ZNF710: variants seen among roughly 807,000 people sequenced by gnomAD.
ZNF710 encodes the protein zinc finger protein 710.
In ZNF710, 13 loss-of-function variants were observed where a neutral mutation model predicts 50.6. That is an observed-to-expected ratio of 0.26 (90% CI 0.17 to 0.41). The LOEUF is 0.41. Among genes scored for constraint, ZNF710 ranks in the 10% least tolerant of loss-of-function variants. The pLI is 1.00. For synonymous variants in ZNF710, 383 were observed against 397.0 expected, an observed-to-expected ratio of 0.96 and a Z score of 0.42; for missense variants, 721 against 936.6, an observed-to-expected ratio of 0.77 and a Z score of 3.01.
chr15:90,045,385 G>A lies in ZNF710; in HGVS notation c.-28-21725G>A, dbSNP rs78773592. ...AGCCATGGAGAGGTTAGACAGTGAC[G>A]GCTGACAGGTTTGCCGTCTGGGAAC... On this transcript the variant is annotated intron_variant, in intron 1 of 4. Coordinates refer to ENST00000268154, the MANE Select transcript of ZNF710 (RefSeq NM_198526.4). 4,598 of 984,456 alleles carry A rather than the reference G, an allele frequency of 4.7e-3. 172 individuals are homozygous for A. In the African/African-American group the frequency reaches 0.073, roughly 16 times the overall value. 61.0% of individuals were successfully genotyped at this position (984,456 alleles called of 1,614,324 possible).
intron 2 of ZNF710, among the ~76,000 whole-genome samples, chr15:90,072,523 G>A (rs554002607): frequency 7.9e-5 from 12 of 152,146 alleles, no homozygotes; most frequent in Non-Finnish European, 1.6e-4. Context: ...TTGGGGGGGT[G>A]TCCATAGCTT....
upstream of ZNF710, among the ~76,000 whole-genome samples, chr15:89,998,475 T>G (rs1324584510): frequency 2.0e-5 from 3 of 152,212 alleles, no homozygotes; most frequent in African/African-American, 7.2e-5. Context: ...GGATGTGGTG[T>G]TCACCAATCC....
At position 90,081,946 on chromosome 15, in the gene ZNF710, G is replaced by A. The variant is rs1900732426; in HGVS notation, c.*2117G>A. 1 of 152,368 alleles carries A rather than the reference G, an allele frequency of 6.6e-6. No individual in the cohort carries two copies. Among genetic ancestry groups the A allele is most frequent in the South Asian group, 2.1e-4 (1 of 4,828 alleles). The allele number at this position is 152,368 out of a possible 1,614,324, so 9.4% of individuals were successfully genotyped here. A position where few individuals can be genotyped will look rare whatever the true frequency, so the allele number is the denominator to read the frequency against. On this transcript the variant is annotated 3_prime_UTR_variant, in exon 5 of 5. Transcript: ENST00000268154. ...GGAGGAGGAAACAGCACAACTCACA[G>A]TTTGAGCTGGGGGGTGGTCTTGGCA...
intron 1 of ZNF710, among the ~76,000 whole-genome samples, chr15:90,030,077 C>T (rs1299035281): frequency 6.6e-6 from 1 of 151,644 alleles, no homozygotes; most frequent in Admixed American, 6.6e-5. Flanking sequence ...CACCTGTAAT[C>T]CCAACACTTT....
In ZNF710 at chr15:90,073,124, G is replaced by C. The variant is rs775955373; in HGVS notation, c.1512G>C (p.Ala504=). 13 of 1,614,086 alleles carry C rather than the reference G, an allele frequency of 8.1e-6. No individual in the cohort carries two copies. The South Asian group carries it at 1.2e-4, about 15-fold the overall frequency. ...GTGGCCGGGAGTTCACCCTACAGGC[G>C]AACATGAAGCGGCACATGCTGATCC... ...EVCGREFTLQ[A]NMKRHMLIHT... is the part of the protein sequence containing the mutation. The change falls in exon 3 of 5, where the codon GCG becomes GCC. Residue 504 remains alanine (A), a synonymous_variant. Transcript: ENST00000268154.
At chr15:90,035,743 C>T (rs1294771483) in intron 1 of ZNF710, among the ~76,000 whole-genome samples, 1 of 152,224 alleles carries the variant, frequency 6.6e-6, no homozygotes, top group Non-Finnish European at 1.5e-5. Flanking sequence ...CCTTCCTGCA[C>T]CCGCCTTCTA....
chr15:90,036,002 G>A (rs530613014), intron 1 of ZNF710, among the ~76,000 whole-genome samples: 29 of 152,284 alleles, frequency 1.9e-4, no homozygotes, highest in African/African-American at 6.7e-4. Flanking sequence ...AAGGGTGGCA[G>A]GATTGGGTCC....
intron 2 of ZNF710, among the ~76,000 whole-genome samples, chr15:90,072,171 C>T (rs1393665598): frequency 1.3e-5 from 2 of 152,184 alleles, no homozygotes; most frequent in Non-Finnish European, 2.9e-5. Context: ...ACACAACACC[C>T]TGTCCTGCTC....
At chr15:90,060,934 T>G (rs931740056) in intron 1 of ZNF710, among the ~76,000 whole-genome samples, 1 of 152,140 alleles carries the variant, frequency 6.6e-6, no homozygotes, top group African/African-American at 2.4e-5. Context: ...ACCTGGTGAT[T>G]CAAGGCCAAG....
At chr15:90,063,010 G>A (rs1900058685) in intron 1 of ZNF710, among the ~76,000 whole-genome samples, 1 of 152,116 alleles carries the variant, frequency 6.6e-6, no homozygotes, top group South Asian at 2.1e-4. Context: ...CTGCCCAGGT[G>A]GGCAGTGGCT....
At chr15:90,046,180 G>T (rs1037062609) in intron 1 of ZNF710, among the ~76,000 whole-genome samples, 1 of 152,230 alleles carries the variant, frequency 6.6e-6, no homozygotes, top group African/African-American at 2.4e-5. Flanking sequence ...CCAGGCCCAG[G>T]TGTGCTGGCA....
intron 1 of ZNF710, among the ~76,000 whole-genome samples, chr15:90,051,625 T>C (rs1899649285): frequency 6.6e-6 from 1 of 152,144 alleles, no homozygotes; most frequent in Non-Finnish European, 1.5e-5. Flanking sequence ...AGAGTGAGAC[T>C]TTGTCTCAAA....
At chr15:90,042,385 A>G (rs892524287) in intron 1 of ZNF710, among the ~76,000 whole-genome samples, 1 of 148,762 alleles carries the variant, frequency 6.7e-6, no homozygotes. Context: ...GGTTGGCCCC[A>G]AGCACCTCAG....
Position 90,067,142 on chromosome 15 carries a change from A to C in ZNF710, c.5A>C (p.Glu2Ala). The C allele has an allele frequency of 6.3e-7, 1 of 1,593,126 alleles. No individual in the cohort carries two copies. Among genetic ancestry groups the C allele is most frequent in the Non-Finnish European group, 8.6e-7 (1 of 1,167,310 alleles). ...CTCCTAGCTAGCCGTCACGGGATGG[A>C]GGGCTTCATGGACTCAGGGACACAG... M[E>A]GFMDSGTQTD... The change falls in exon 2 of 5, where the codon GAG becomes GCG. Residue 2 changes from glutamate (E) to alanine (A), a missense_variant. Glu to Ala is a moderately radical substitution (Grantham distance 107). Around this residue, in one of 3 missense-constraint regions of ZNF710, gnomAD observed 326 missense variants for 347.1 expected, o/e 0.94. Coordinates refer to ENST00000268154, the MANE Select transcript of ZNF710 (RefSeq NM_198526.4). The surrounding 1 kb of genome is among the most constrained non-coding windows in gnomAD (Gnocchi z 8.1).
chr15:90,056,540 G>A (rs1227984259), intron 1 of ZNF710, among the ~76,000 whole-genome samples: 2 of 152,204 alleles, frequency 1.3e-5, no homozygotes, highest in Non-Finnish European at 2.9e-5. Flanking sequence ...CCCTGCCGGT[G>A]AAGATTCCAA....
intron 2 of ZNF710, 136 bp from the exon 3 acceptor site, chr15:90,072,935 C>A: frequency 1.1e-6 from 1 of 885,746 alleles, no homozygotes; most frequent in Non-Finnish European, 1.7e-6. Flanking sequence ...TTTTGGAATA[C>A]CCTCAAAAAG....
chr15:90,074,898 C>A (rs1479644916), intron 4 of ZNF710: 2 of 261,420 alleles, frequency 7.7e-6, no homozygotes, highest in Non-Finnish European at 1.5e-5. Flanking sequence ...CAATCAGTCA[C>A]ACTCTTCACA....
Position 90,068,202 on chromosome 15 carries a change from A to G in ZNF710, c.1065A>G (p.Val355=), listed in dbSNP as rs914235283. Residue 355 remains valine, a synonymous_variant, in exon 2 of 5, where the codon GTA becomes GTG. Coordinates refer to ENST00000268154, the MANE Select transcript of ZNF710 (RefSeq NM_198526.4). The surrounding 1 kb of genome is among the most constrained non-coding windows in gnomAD (Gnocchi z 5.0). ...GCACCCGGCCCCACAAGTGCCAGGT[A>G]TGCCACAAGGCCTTCACGCAGACCA... The part of the protein sequence containing the change: ...HQGTRPHKCQ[V]CHKAFTQTSH... 3.7e-6 allele frequency: 6 copies of G among 1,613,944 alleles called. No homozygotes were observed. The Admixed American group carries it at 6.7e-5, about 18-fold the overall frequency.
At chr15:90,044,418 A>G (rs527848793) in intron 1 of ZNF710, among the ~76,000 whole-genome samples, 2 of 147,574 alleles carry the variant, frequency 1.4e-5, no homozygotes, top group Non-Finnish European at 3.0e-5. Context: ...AACATGACAC[A>G]GGGGCTGAGT....
Sources: gnomAD v4.1 joint callset for allele counts (sites outside exome capture counted in the v4.1 genomes callset) on GRCh38, gnomAD v4.1.1 for gene constraint, gnomAD v4.1.1 regional missense constraint, Gnocchi (gnomAD v3.1) non-coding constraint, MANE v1.5 for transcripts, NCBI Gene and HGNC (gene_info 2026-07-23, HGNC 2026-07-21) for gene names.